HECW1: variants seen among roughly 807,000 people sequenced by gnomAD.
The protein encoded by HECW1 is HECT, C2 and WW domain containing E3 ubiquitin protein ligase 1, also known as E3 ubiquitin-protein ligase HECW1.
Under a neutral mutation model 182.3 loss-of-function variants are expected in HECW1, and 61 were observed. That is an observed-to-expected ratio of 0.33 (90% CI 0.27 to 0.41). HECW1 has a LOEUF of 0.41. Among genes scored for constraint, HECW1 ranks in the 10% least tolerant of loss-of-function variants. HECW1 has a pLI of 1.00. For missense variants in HECW1, 1,739 were observed against 2,108.9 expected (o/e 0.82, Z 3.44); for synonymous variants, 859 against 832.6 (o/e 1.03, Z -0.55).
chr7:43,305,142 ACT>A (rs1339501795), intron 3 of HECW1, among the ~76,000 whole-genome samples: 2 of 151,880 alleles, frequency 1.3e-5, no homozygotes, highest in East Asian at 1.9e-4. Context: ...TCCCTAATGA[ACT>A]CTCTTCCTGC....
intron 8 of HECW1, among the ~76,000 whole-genome samples, chr7:43,411,874 C>T (rs868193380): frequency 5.9e-5 from 9 of 152,014 alleles, no homozygotes; most frequent in South Asian, 2.1e-4. Flanking sequence ...GCATATTCTT[C>T]GGACTTAATT....
chr7:43,329,491 G>A (rs957453805), intron 5 of HECW1, among the ~76,000 whole-genome samples: 1 of 151,916 alleles, frequency 6.6e-6, no homozygotes, highest in Non-Finnish European at 1.5e-5. Context: ...AAATGGAAGG[G>A]GCTGATTCAG....
At chr7:43,311,457 C>T (rs1808488596) in intron 3 of HECW1, among the ~76,000 whole-genome samples, 1 of 152,186 alleles carries the variant, frequency 6.6e-6, no homozygotes, top group African/African-American at 2.4e-5. Context: ...CCTTCAGGGT[C>T]ATTCTGCACA....
intron 2 of HECW1, among the ~76,000 whole-genome samples, chr7:43,209,525 T>G (rs1213776653): frequency 6.6e-6 from 1 of 152,068 alleles, no homozygotes; most frequent in African/African-American, 2.4e-5. Context: ...CAAGAGAGCT[T>G]CTCTCTCTCT....
intron 26 of HECW1, among the ~76,000 whole-genome samples, chr7:43,550,104 CA>C (rs5883871): frequency 2.0e-5 from 3 of 148,716 alleles, no homozygotes; most frequent in East Asian, 2.0e-4. Context: ...CACATTCTAC[CA>C]AAAAAAAAGA....
At chr7:43,487,808 A>G (rs1243029785) in intron 17 of HECW1, among the ~76,000 whole-genome samples, 1 of 151,926 alleles carries the variant, frequency 6.6e-6, no homozygotes, top group Non-Finnish European at 1.5e-5. Context: ...ACATTTTTAA[A>G]ATTAGCTGGG....
intron 5 of HECW1, among the ~76,000 whole-genome samples, chr7:43,335,384 T>TA (rs1467889530): frequency 1.3e-5 from 2 of 152,230 alleles, no homozygotes; most frequent in Non-Finnish European, 2.9e-5. Context: ...TATAGACTAA[T>TA]GTTTGTGAGT....
intron 2 of HECW1, among the ~76,000 whole-genome samples, chr7:43,155,187 G>A (rs1789746884): frequency 1.3e-5 from 2 of 152,176 alleles, no homozygotes; most frequent in African/African-American, 4.8e-5. Flanking sequence ...CCACATATAG[G>A]AAAGTTCTTG....
At chr7:43,280,912 G>A (rs895939415) in intron 3 of HECW1, among the ~76,000 whole-genome samples, 3 of 152,170 alleles carry the variant, frequency 2.0e-5, no homozygotes, top group Admixed American at 1.3e-4. Context: ...GTTAGAGGAA[G>A]ACTGGAAATG....
In HECW1 at chr7:43,356,898, A is replaced by G. The variant is rs191842117; in HGVS notation, c.461-3988A>G. 3.9e-5 allele frequency among the ~76,000 whole-genome samples: 6 copies of G among 152,328 alleles called. No individual in the cohort carries two copies. In the East Asian group the frequency reaches 1.2e-3, roughly 29 times the overall value. On this transcript the variant is annotated intron_variant, in intron 5 of 29. Transcript: ENST00000395891. ...ATAGTAAACAACTCAAGAGCAAAAA[A>G]CAATCTGATTTTTAAGTAGCATCTT...
At chr7:43,124,460 A>G (rs1351793240) in intron 2 of HECW1, among the ~76,000 whole-genome samples, 1 of 152,212 alleles carries the variant, frequency 6.6e-6, no homozygotes, top group Non-Finnish European at 1.5e-5. Context: ...TGGATAAGGA[A>G]CCTAAGCCAT....
At chr7:43,297,893 G>T (rs911907340) in intron 3 of HECW1, among the ~76,000 whole-genome samples, 3 of 152,184 alleles carry the variant, frequency 2.0e-5, no homozygotes, top group Admixed American at 2.0e-4. Context: ...GCAGCATAGA[G>T]AGACCTGTCT....
In HECW1 at chr7:43,189,842, C is replaced by T. The variant is rs1793737955; in HGVS notation, c.-31-54033C>T. ...TCTCATAAAATGTCAGTCAGGGTCA[C>T]CTCACTGCCCAGTTCCAAAAGTGCC... On this transcript the variant is annotated intron_variant, in intron 2 of 29. Transcript: ENST00000395891. Among the ~76,000 whole-genome samples, 3 of 152,152 alleles carry T rather than the reference C, an allele frequency of 2.0e-5. 1 individual carries two copies. The South Asian group carries it at 6.2e-4, about 32-fold the overall frequency.
intron 12 of HECW1, among the ~76,000 whole-genome samples, chr7:43,453,155 T>C (rs1219920548): frequency 2.6e-5 from 4 of 152,166 alleles, no homozygotes; most frequent in African/African-American, 9.7e-5. Flanking sequence ...TTTGCCCAAG[T>C]TGCTGTGTAG....
chr7:43,555,372 C>T (rs1356984757), intron 29 of HECW1, among the ~76,000 whole-genome samples: 1 of 152,172 alleles, frequency 6.6e-6, no homozygotes, highest in Non-Finnish European at 1.5e-5. Flanking sequence ...AAATTCCCTG[C>T]ACTGTGAGTT....
At chr7:43,188,323 G>A (rs548707293) in intron 2 of HECW1, among the ~76,000 whole-genome samples, 9 of 152,304 alleles carry the variant, frequency 5.9e-5, no homozygotes, top group Admixed American at 1.3e-4. Context: ...GAAGACTCCT[G>A]TAGGAGCTAA....
chr7:43,317,451 A>G (rs1204174535), intron 4 of HECW1, among the ~76,000 whole-genome samples: 1 of 152,224 alleles, frequency 6.6e-6, no homozygotes, highest in Admixed American at 6.5e-5. Context: ...AGTTATCCTG[A>G]TTCCAGAGGC....
chr7:43,297,157 G>C (rs886550804), intron 3 of HECW1, among the ~76,000 whole-genome samples: 7 of 152,190 alleles, frequency 4.6e-5, no homozygotes, highest in African/African-American at 1.7e-4. Context: ...CCTGAGAACA[G>C]AGATCATATG....
chr7:43,443,559 G>A (rs1198229686), intron 10 of HECW1, among the ~76,000 whole-genome samples: 1 of 152,232 alleles, frequency 6.6e-6, no homozygotes, highest in African/African-American at 2.4e-5. Context: ...CATCTGGCAG[G>A]AATCCAGTAG....
Sources: gnomAD v4.1 joint callset for allele counts (sites outside exome capture counted in the v4.1 genomes callset) on GRCh38, gnomAD v4.1.1 for gene constraint, MANE v1.5 for transcripts, NCBI Gene and HGNC (gene_info 2026-07-23, HGNC 2026-07-21) for gene names.